The following SAMD5 variants were observed in gnomAD, a reference collection of about 807,000 sequenced individuals.
The protein encoded by SAMD5 is sterile alpha motif domain containing 5.
Under a neutral mutation model 11.3 loss-of-function variants are expected in SAMD5, and 13 were observed. That is an observed-to-expected ratio of 1.15 (90% confidence interval 0.75 to 1.83). The LOEUF is 1.83. Among genes scored for constraint, SAMD5 ranks in the 40% most tolerant of loss-of-function variants. The probability of loss-of-function intolerance (pLI) is 0.00; values close to 1 mark genes in which losing one functional copy is unlikely to be tolerated. For synonymous variants in SAMD5, 129 were observed against 111.3 expected (o/e 1.16, Z -1.00); for missense variants, 255 against 239.1 (o/e 1.07, Z -0.44).
intron 1 of SAMD5, among the ~76,000 whole-genome samples, chr6:147,659,320 T>A (rs1254588387): frequency 6.6e-6 from 1 of 152,144 alleles, no homozygotes; most frequent in South Asian, 2.1e-4. Context: ...TTTTTTCATG[T>A]CCCTGGTTCT....
chr6:147,807,064 A>C, the SAMD5 span, among the ~76,000 whole-genome samples: 1 of 152,028 alleles, frequency 6.6e-6, no homozygotes, highest in African/African-American at 2.4e-5. Context: ...GAACTGTAAG[A>C]AATAAATTTC....
At chr6:147,951,274 C>T in the SAMD5 span, among the ~76,000 whole-genome samples, 5 of 151,562 alleles carry the variant, frequency 3.3e-5, no homozygotes, top group East Asian at 1.9e-4. Flanking sequence ...CTCCGCCTTC[C>T]GGGTTCACGC....
the SAMD5 span, among the ~76,000 whole-genome samples, chr6:147,762,598 A>C: frequency 6.6e-6 from 1 of 152,214 alleles, no homozygotes; most frequent in Non-Finnish European, 1.5e-5. Context: ...AAAACTTACA[A>C]ATCTATAAAC....
At chr6:147,652,726 GAC>G (rs940103439) in intron 1 of SAMD5, among the ~76,000 whole-genome samples, 4 of 152,202 alleles carry the variant, frequency 2.6e-5, no homozygotes, top group African/African-American at 7.2e-5. Flanking sequence ...CTACAGTCAA[GAC>G]ACACATTTTC....
At chr6:147,510,239 C>T (rs370414545) in intron 1 of SAMD5, among the ~76,000 whole-genome samples, 12 of 152,190 alleles carry the variant, frequency 7.9e-5, no homozygotes, top group African/African-American at 2.4e-4. Flanking sequence ...CTGGAAGTTC[C>T]GAAATGTGGA....
the SAMD5 span, among the ~76,000 whole-genome samples, chr6:147,801,504 C>G: frequency 2.8e-4 from 42 of 152,298 alleles, 1 homozygote; most frequent in African/African-American, 9.9e-4. Flanking sequence ...GAAAGGGAAG[C>G]CTTCTCCAAA....
At chr6:147,609,606 C>T (rs1789751903) in intron 1 of SAMD5, among the ~76,000 whole-genome samples, 1 of 152,058 alleles carries the variant, frequency 6.6e-6, no homozygotes, top group African/African-American at 2.4e-5. Context: ...CTGGAGTGCA[C>T]TGGTACAATC....
At chr6:147,581,741 C>T (rs1323764332) in intron 1 of SAMD5, among the ~76,000 whole-genome samples, 4 of 151,954 alleles carry the variant, frequency 2.6e-5, no homozygotes, top group Non-Finnish European at 5.9e-5. Flanking sequence ...GACAAGGGTT[C>T]GAAGGATGGG....
intron 1 of SAMD5, among the ~76,000 whole-genome samples, chr6:147,575,506 T>A (rs952595263): frequency 4.6e-5 from 7 of 152,264 alleles, no homozygotes; most frequent in Admixed American, 6.5e-5. Context: ...TAGCTGCCAG[T>A]CAAAATTGAC....
At chr6:147,838,798 G>A in the SAMD5 span, among the ~76,000 whole-genome samples, 1 of 152,154 alleles carries the variant, frequency 6.6e-6, no homozygotes, top group South Asian at 2.1e-4. Flanking sequence ...CTTGTTGGGG[G>A]TAAGGGAAGC....
At chr6:147,810,953 A>G in the SAMD5 span, among the ~76,000 whole-genome samples, 1 of 152,200 alleles carries the variant, frequency 6.6e-6, no homozygotes, top group African/African-American at 2.4e-5. Context: ...TAATACACAA[A>G]GGACCAAGTG....
At position 147,672,404 on chromosome 6, in the gene SAMD5, A is replaced by G. The variant is rs556468966; in HGVS notation, c.163-64913A>G. ...CAAAGTCTAAATTTATAAAATATAA[A>G]GAGAAAATGCTTCTCCATCACTTTG... On this transcript the variant is annotated intron_variant, in intron 1 of 1. Coordinates refer to the SAMD5 transcript ENST00000566741. Among the ~76,000 whole-genome samples the G allele has an allele frequency of 2.0e-4, 30 of 152,334 alleles. No homozygotes were observed. The South Asian group carries it at 4.8e-3, about 24-fold the overall frequency.
At chr6:147,813,429 G>C in the SAMD5 span, among the ~76,000 whole-genome samples, 1 of 152,150 alleles carries the variant, frequency 6.6e-6, no homozygotes, top group Non-Finnish European at 1.5e-5. Context: ...CCTATCTGTG[G>C]ATTTGTCTGT....
At chr6:147,907,257 A>C in the SAMD5 span, among the ~76,000 whole-genome samples, 1 of 152,202 alleles carries the variant, frequency 6.6e-6, no homozygotes, top group African/African-American at 2.4e-5. Context: ...CTGTAATCCC[A>C]GCACTTTGGG....
the SAMD5 span, among the ~76,000 whole-genome samples, chr6:147,952,804 G>A: frequency 5.3e-5 from 8 of 152,262 alleles, no homozygotes; most frequent in Non-Finnish European, 8.8e-5. Context: ...GTGAGCCACC[G>A]CACCCGGCCC....
At chr6:147,721,773 A>G (rs917615844) in intron 1 of SAMD5, among the ~76,000 whole-genome samples, 1 of 152,214 alleles carries the variant, frequency 6.6e-6, no homozygotes, top group South Asian at 2.1e-4. Context: ...ATGAAAATCA[A>G]TTTAAGCCAA....
At chr6:147,551,812 T>TTTTATATATATATATATATATA (rs368122795) in intron 1 of SAMD5, among the ~76,000 whole-genome samples, 2 of 99,448 alleles carry the variant, frequency 2.0e-5, no homozygotes, top group African/African-American at 7.1e-5. Flanking sequence ...TATATATATG[T>TTTTATATATATATATATATATA]TATATATATA....
chr6:147,576,333 G>T (rs1447023699), intron 1 of SAMD5, among the ~76,000 whole-genome samples: 1 of 152,092 alleles, frequency 6.6e-6, no homozygotes, highest in African/African-American at 2.4e-5. Context: ...TAGAGACGGG[G>T]TTTAGCCATT....
At chr6:147,649,748 GC>G (rs1477977060) in intron 1 of SAMD5, among the ~76,000 whole-genome samples, 1 of 148,146 alleles carries the variant, frequency 6.8e-6, no homozygotes, top group Non-Finnish European at 1.5e-5. Context: ...GTGAGATCGC[GC>G]CACTGCGCTC....
Sources: allele counts gnomAD v4.1 joint callset (sites outside exome capture counted in the v4.1 genomes callset), GRCh38; gene constraint gnomAD v4.1.1; transcripts MANE v1.5; gene names NCBI Gene and HGNC (gene_info 2026-07-23, HGNC 2026-07-21).